HIVEP3: variants seen among roughly 807,000 people sequenced by gnomAD.
HIVEP3 encodes transcription factor HIVEP3.
A neutral mutation model predicts 152.8 loss-of-function variants in HIVEP3; 49 were observed. The observed-to-expected ratio is 0.32, with a 90% CI of 0.26 to 0.41. The LOEUF (loss-of-function observed/expected upper bound fraction) is 0.41, where lower values mean the gene tolerates loss of function less well. Ranked by LOEUF, HIVEP3 falls within the 10% of genes least tolerant of loss-of-function variation. HIVEP3 has a pLI of 1.00. For missense variants in HIVEP3, 2,790 were observed against 3,103.3 expected, an observed-to-expected ratio of 0.90 and a Z score of 2.40; for synonymous variants, 1,269 against 1,289.0, an observed-to-expected ratio of 0.98 and a Z score of 0.33.
chr1:41,860,460 C>T (rs986486284), intron 1 of HIVEP3, among the ~76,000 whole-genome samples: 1 of 152,222 alleles, frequency 6.6e-6, no homozygotes, highest in African/African-American at 2.4e-5. Context: ...ACCCTCCTAA[C>T]CCCACTCCCC....
At chr1:42,030,580 TC>T (rs11353606) in intron 1 of HIVEP3, among the ~76,000 whole-genome samples, 103,239 of 151,948 alleles carry the variant, frequency 0.68, 35,710 homozygotes, top group East Asian at 0.96. Flanking sequence ...AGAGCTGAGC[TC>T]CCCCATTCCA....
Position 41,575,565 on chromosome 1 carries a change from C to G in HIVEP3, c.5186G>C (p.Arg1729Thr). The G allele has an allele frequency of 6.2e-7, 1 of 1,614,164 alleles. No homozygotes were observed. The highest frequency in any genetic ancestry group is 8.5e-7 in the Non-Finnish European group (1 of 1,180,022). The change falls in exon 5 of 9, where the codon AGG (arginine) becomes ACG (threonine). Residue 1729 changes from arginine to threonine, a missense_variant. Transcript: ENST00000372583. The stretch of plus-strand genomic sequence containing the variant: ...TTACCCTCCTTCGAAGATTTTGATC[C>G]TCGCCGGCTCCCCTCTCTGGGAGGC... ...APASQRGEPA[R>T]IKIFEGGYKS... is the part of the protein sequence containing the mutation.
chr1:41,866,609 C>T (rs1643979951), intron 1 of HIVEP3, among the ~76,000 whole-genome samples: 1 of 152,210 alleles, frequency 6.6e-6, no homozygotes, highest in Non-Finnish European at 1.5e-5. Flanking sequence ...TAACCTCTGT[C>T]CTTTCCCAGT....
At chr1:41,724,774 G>A (rs561812060) in intron 1 of HIVEP3, among the ~76,000 whole-genome samples, 5 of 152,226 alleles carry the variant, frequency 3.3e-5, no homozygotes, top group South Asian at 2.1e-4. Context: ...GCCAAATCTC[G>A]CCTGAGGCCA....
rs772618970 is a variant in HIVEP3, at chr1:41,581,453, C to T, written c.3345G>A (p.Val1115=). Residue 1115 remains valine, a synonymous_variant, in exon 4 of 9, where the codon GTG becomes GTA. Coordinates refer to ENST00000372583, the MANE Select transcript of HIVEP3 (RefSeq NM_024503.5). The surrounding 1 kb of genome is among the most constrained non-coding windows in gnomAD (Gnocchi z 4.5). ...ACACTTGCAGTGCTTCTGTGTAGGG[C>T]ACAGTGGGCCCCAATGGGGGCCTGT... The part of the protein sequence containing the change: ...GQDRPPLGPT[V]PYTEALQVFH... 9.5e-6 allele frequency: 15 copies of T among 1,578,674 alleles called. No individual in the cohort carries two copies. In the Admixed American group the frequency reaches 2.7e-4, roughly 28 times the overall value.
Position 41,512,797 on chromosome 1 carries a change from A to T in HIVEP3, c.6405+19T>A. ...CCCACAGGGGAGAAGCGGCCCAGCC[A>T]CCAGGGGCAGGAACTCACCCACGGG... On this transcript the variant is annotated intron_variant, in intron 8 of 8. Transcript: ENST00000372583. The T allele has an allele frequency of 5.5e-6, 8 of 1,464,458 alleles. No individual in the cohort carries two copies. Among genetic ancestry groups the T allele is most frequent in the Non-Finnish European group, 7.2e-6 (8 of 1,103,836 alleles). The allele number at this position is 1,464,458 out of a possible 1,614,324, so 90.7% of individuals were successfully genotyped here.
At chr1:41,975,617 A>G (rs4660590) in intron 1 of HIVEP3, among the ~76,000 whole-genome samples, 70,683 of 152,114 alleles carry the variant, frequency 0.46, 17,159 homozygotes, top group East Asian at 0.71. Context: ...TAGTTCATTC[A>G]GTTGGTTGGT....
rs557339674 is a variant in HIVEP3 at position 41,551,438 on chromosome 1, G to A, written c.5207+24106C>T. ...CCTTCTTTTTCTATTGCTTGGAATCGTTTAAGAAGCAGTGGTTCCAGCTCC... is the reference window on the plus strand; with the variant it reads ...CCTTCTTTTTCTATTGCTTGGAATCATTTAAGAAGCAGTGGTTCCAGCTCC... On this transcript the variant is annotated intron_variant, in intron 5 of 8. Transcript: ENST00000372583. 3.9e-5 allele frequency among the ~76,000 whole-genome samples: 6 copies of A among 152,204 alleles called. No homozygotes were observed. In the South Asian group the frequency reaches 1.0e-3, roughly 26 times the overall value.
intron 1 of HIVEP3, among the ~76,000 whole-genome samples, chr1:41,996,560 A>G (rs944313617): frequency 6.6e-6 from 1 of 152,152 alleles, no homozygotes; most frequent in African/African-American, 2.4e-5. Context: ...CAGTTTGGGT[A>G]TCTCATAGTA....
chr1:42,012,306 C>T (rs950228248), intron 1 of HIVEP3, among the ~76,000 whole-genome samples: 1 of 152,142 alleles, frequency 6.6e-6, no homozygotes, highest in South Asian at 2.1e-4. Context: ...TGCGTACCCC[C>T]CAAATTCATA....
At chr1:41,624,066 A>G (rs11210500) in intron 3 of HIVEP3, among the ~76,000 whole-genome samples, 94,605 of 152,012 alleles carry the variant, frequency 0.62, 30,082 homozygotes, top group African/African-American at 0.76. Context: ...CCCAAGCCTC[A>G]GCAGAAGCTC....
chr1:41,513,478 C>T lies in HIVEP3; in HGVS notation c.5743G>A (p.Gly1915Ser), dbSNP rs150114375. 109 of 1,610,634 alleles carry T rather than the reference C, an allele frequency of 6.8e-5. No homozygotes were observed. The African/African-American group carries it at 1.4e-3, about 21-fold the overall frequency. Residue 1915 changes from glycine to serine, a missense_variant, in exon 8 of 9, where the codon GGC becomes AGC. Around this residue, in one of 9 missense-constraint regions of HIVEP3, gnomAD observed 816 missense variants for 806.5 expected, o/e 1.01. Coordinates refer to ENST00000372583, the MANE Select transcript of HIVEP3 (RefSeq NM_024503.5). The stretch of plus-strand genomic sequence containing the variant: ...CGCTCAGCTTCCGAGACCGAGCTGC[C>T]TCGTGTAGCCTCCGTGCCAGAGGCG... ...APASGTEATR[G>S]SSVSEAERLT...
intron 1 of HIVEP3, among the ~76,000 whole-genome samples, chr1:41,768,833 T>C (rs1485198030): frequency 6.6e-6 from 1 of 152,260 alleles, no homozygotes; most frequent in African/African-American, 2.4e-5. Context: ...AAACCCGCCC[T>C]GTTGGCTTTG....
intron 1 of HIVEP3, among the ~76,000 whole-genome samples, chr1:41,712,483 G>T (rs1441674822): frequency 1.3e-5 from 2 of 152,242 alleles, no homozygotes; most frequent in Non-Finnish European, 2.9e-5. Context: ...CACCGAAAAG[G>T]AAAACAAAGC....
At chr1:41,953,043 G>A (rs1645119650) in intron 1 of HIVEP3, among the ~76,000 whole-genome samples, 1 of 152,086 alleles carries the variant, frequency 6.6e-6, no homozygotes, top group Non-Finnish European at 1.5e-5. Context: ...TTGACACATG[G>A]GTCCGTGACA....
At position 41,664,918 on chromosome 1, in the gene HIVEP3, G is replaced by A. The variant is rs1645771104; in HGVS notation, c.-720-35971C>T. 6.6e-6 allele frequency among the ~76,000 whole-genome samples: 1 copy of A among 152,206 alleles called. No homozygotes were observed. The highest frequency in any genetic ancestry group is 6.5e-5 in the Admixed American group (1 of 15,284). ...TGGCCCTAATGAGGTGGAGGGGAAG[G>A]ATGAAGGAAAATGCAATTTGTCAAG... On this transcript the variant is annotated intron_variant, in intron 2 of 8. Transcript: ENST00000372583. The surrounding 1 kb of genome is among the most constrained non-coding windows in gnomAD (Gnocchi z 4.4).
intron 2 of HIVEP3, among the ~76,000 whole-genome samples, chr1:41,672,650 A>G (rs1645895484): frequency 6.6e-6 from 1 of 152,192 alleles, no homozygotes; most frequent in South Asian, 2.1e-4. Flanking sequence ...CACAGCCAGG[A>G]AGTGGTAGAG....
At chr1:41,703,886 T>C (rs1293070970) in intron 1 of HIVEP3, among the ~76,000 whole-genome samples, 2 of 152,070 alleles carry the variant, frequency 1.3e-5, no homozygotes, top group South Asian at 4.1e-4. Context: ...CGGGAGGAGA[T>C]TCGTGATTCC....
chr1:42,007,821 T>TA (rs5773757), intron 1 of HIVEP3, among the ~76,000 whole-genome samples: 103,134 of 151,868 alleles, frequency 0.68, 35,662 homozygotes, highest in East Asian at 0.95. Flanking sequence ...TTCATTTGCT[T>TA]AAAAAAATGA....
Sources: gnomAD v4.1 joint callset for allele counts (sites outside exome capture counted in the v4.1 genomes callset) on GRCh38, gnomAD v4.1.1 for gene constraint, gnomAD v4.1.1 regional missense constraint, Gnocchi (gnomAD v3.1) non-coding constraint, MANE v1.5 for transcripts, NCBI Gene and HGNC (gene_info 2026-07-23, HGNC 2026-07-21) for gene names.